GJA1: variants seen among roughly 807,000 people sequenced by gnomAD.
GJA1 encodes gap junction alpha-1 protein.
Under a neutral mutation model 31.0 loss-of-function variants are expected in GJA1, and 9 were observed. The observed-to-expected ratio is 0.29, with a 90% confidence interval of 0.17 to 0.51. GJA1 has a LOEUF of 0.51. Among genes scored for constraint, GJA1 ranks in the 20% least tolerant of loss-of-function variants. The pLI is 0.98. For synonymous variants in GJA1, 186 were observed against 180.1 expected (o/e 1.03, Z -0.26); for missense variants, 278 against 468.8 (o/e 0.59, Z 3.76).
intron 1 of GJA1, among the ~76,000 whole-genome samples, chr6:121,446,426 AAC>A (rs1773891070): frequency 2.0e-5 from 3 of 152,364 alleles, no homozygotes; most frequent in South Asian, 2.1e-4. Flanking sequence ...TGCTTTGAAT[AAC>A]ACACATCAGG....
intron 1 of GJA1, among the ~76,000 whole-genome samples, chr6:121,437,709 C>T (rs753375989): frequency 3.9e-5 from 6 of 152,116 alleles, no homozygotes; most frequent in Admixed American, 6.5e-5. Flanking sequence ...AAAAGGCGTG[C>T]TTCTCTTTCT....
intron 1 of GJA1, among the ~76,000 whole-genome samples, chr6:121,440,251 C>CT (rs1183094046): frequency 1.3e-5 from 2 of 151,988 alleles, no homozygotes; most frequent in African/African-American, 4.8e-5. Flanking sequence ...CTGCAACAAC[C>CT]TAACAGTGAA....
rs751161110 is a variant in GJA1, at chr6:121,447,714, T to C, written c.867T>C (p.Val289=). The C allele has an allele frequency of 5.6e-6, 9 of 1,614,086 alleles. No individual in the cohort carries two copies. The South Asian group carries it at 9.9e-5, about 18-fold the overall frequency. The change falls in exon 2 of 2, where the codon GTT becomes GTC. Residue 289 remains valine (V), a synonymous_variant. Transcript: ENST00000282561. ...SPMSPPGYKL[V]TGDRNNSSCR... is the part of the protein sequence containing the mutation. ...TGTCTCCTCCTGGGTACAAGCTGGT[T>C]ACTGGCGACAGAAACAATTCTTCTT...
intron 1 of GJA1, among the ~76,000 whole-genome samples, chr6:121,439,143 A>C (rs57887263): frequency 6.6e-6 from 1 of 152,050 alleles, no homozygotes; most frequent in Admixed American, 6.6e-5. Flanking sequence ...ATAAAAAAAA[A>C]TTTTAAAAAG....
intron 1 of GJA1, among the ~76,000 whole-genome samples, chr6:121,437,807 CT>C (rs1348824038): frequency 6.6e-6 from 1 of 152,166 alleles, no homozygotes; most frequent in Non-Finnish European, 1.5e-5. Context: ...GGTTGAATTT[CT>C]TTTGCTTCCT....
intron 1 of GJA1, among the ~76,000 whole-genome samples, chr6:121,442,607 T>G (rs1185620736): frequency 6.6e-6 from 1 of 152,150 alleles, no homozygotes; most frequent in Admixed American, 6.5e-5. Flanking sequence ...GCCAGAAATG[T>G]CAAGAATAGT....
In GJA1 at chr6:121,448,644, T is replaced by C. The variant is rs1773932039; in HGVS notation, c.*648T>C. ...CATTTGCAAATACGTATATTCTTTT[T>C]CCATCCACTTGCACAATATCATTAC... On this transcript the variant is annotated 3_prime_UTR_variant, in exon 2 of 2. Coordinates refer to ENST00000282561, the MANE Select transcript of GJA1 (RefSeq NM_000165.5). 1 of 168,570 alleles carries C rather than the reference T, an allele frequency of 5.9e-6. No individual in the cohort carries two copies. Among genetic ancestry groups the C allele is most frequent in the South Asian group, 2.0e-4 (1 of 4,948 alleles). 10.4% of individuals were successfully genotyped at this position (168,570 alleles called of 1,614,324 possible). A position where few individuals can be genotyped will look rare whatever the true frequency, so the allele number is the denominator to read the frequency against.
chr6:121,444,975 G>A (rs980432120), intron 1 of GJA1, among the ~76,000 whole-genome samples: 1 of 152,184 alleles, frequency 6.6e-6, no homozygotes, highest in East Asian at 1.9e-4. Context: ...ACCAGTGTGA[G>A]GCATTGAAAA....
intron 1 of GJA1, among the ~76,000 whole-genome samples, chr6:121,441,551 A>G (rs1450838790): frequency 6.6e-6 from 1 of 152,178 alleles, no homozygotes; most frequent in Non-Finnish European, 1.5e-5. Context: ...TTAAAATAAT[A>G]ATTTTTTAAA....
chr6:121,449,674 T>C lies in GJA1; in HGVS notation c.*1678T>C, dbSNP rs1773951732. 1.2e-5 allele frequency: 2 copies of C among 167,104 alleles called. No homozygotes were observed. Among genetic ancestry groups the C allele is most frequent in the African/African-American group, 2.4e-5 (1 of 41,458 alleles). The allele number at this position is 167,104 out of a possible 1,614,324, so 10.4% of individuals were successfully genotyped here. ...AATGTAGACCTAGTCCATCAGATCA[T>C]GTGTTCTGGAGAGTGTTCTTTATTC... On this transcript the variant is annotated 3_prime_UTR_variant, in exon 2 of 2. Coordinates refer to ENST00000282561, the MANE Select transcript of GJA1 (RefSeq NM_000165.5).
At position 121,446,979 on chromosome 6, in the gene GJA1, C is replaced by T. The variant is rs770568811; in HGVS notation, c.132C>T (p.Ala44=). 2 of 1,613,940 alleles carry T rather than the reference C, an allele frequency of 1.2e-6. No homozygotes were observed. The highest frequency in any genetic ancestry group is 8.5e-7 in the Non-Finnish European group (1 of 1,179,968). The stretch of plus-strand genomic sequence containing the variant: ...TGCTGGGGACAGCGGTTGAGTCAGC[C>T]TGGGGAGATGAGCAGTCTGCCTTTC... ...ILLLGTAVES[A]WGDEQSAFRC... Residue 44 remains alanine, a synonymous_variant, in exon 2 of 2, where the codon GCC becomes GCT. Coordinates refer to ENST00000282561, the MANE Select transcript of GJA1 (RefSeq NM_000165.5).
intron 1 of GJA1, among the ~76,000 whole-genome samples, chr6:121,442,980 T>C (rs1285063787): frequency 6.6e-6 from 1 of 152,214 alleles, no homozygotes; most frequent in Non-Finnish European, 1.5e-5. Flanking sequence ...GGTGAAGGCA[T>C]GAATATATGT....
chr6:121,437,450 A>C (rs1773689253), intron 1 of GJA1, among the ~76,000 whole-genome samples: 1 of 150,892 alleles, frequency 6.6e-6, no homozygotes. Flanking sequence ...AATTGTGCTT[A>C]AATTGCACTT....
intron 1 of GJA1, among the ~76,000 whole-genome samples, chr6:121,440,939 G>A (rs965403908): frequency 1.3e-4 from 18 of 137,976 alleles, no homozygotes; most frequent in African/African-American, 5.3e-4. Flanking sequence ...TGTTGTTGTT[G>A]TTGTTTGTCG....
At chr6:121,437,413 T>C (rs1392843094) in intron 1 of GJA1, among the ~76,000 whole-genome samples, 4 of 151,524 alleles carry the variant, frequency 2.6e-5, no homozygotes, top group African/African-American at 4.9e-5. Flanking sequence ...TATCTCCGCG[T>C]TGGTAAGAAA....
At chr6:121,437,943 G>T (rs1314159402) in intron 1 of GJA1, among the ~76,000 whole-genome samples, 1 of 152,130 alleles carries the variant, frequency 6.6e-6, no homozygotes, top group Non-Finnish European at 1.5e-5. Context: ...AGGATAACTG[G>T]AAATTAAAGC....
chr6:121,439,803 A>G (rs1195662266), intron 1 of GJA1, among the ~76,000 whole-genome samples: 1 of 152,216 alleles, frequency 6.6e-6, no homozygotes, highest in Non-Finnish European at 1.5e-5. Flanking sequence ...AGCAGTTCAC[A>G]ACATCAAATA....
intron 1 of GJA1, among the ~76,000 whole-genome samples, chr6:121,445,943 A>G (rs1158759114): frequency 6.6e-6 from 1 of 152,074 alleles, no homozygotes; most frequent in African/African-American, 2.4e-5. Flanking sequence ...AAAGAAACAG[A>G]AAAGTGTAAA....
intron 1 of GJA1, among the ~76,000 whole-genome samples, chr6:121,440,981 C>T (rs1043085147): frequency 2.0e-5 from 3 of 151,436 alleles, no homozygotes; most frequent in African/African-American, 7.3e-5. Flanking sequence ...CTCGCTCTGT[C>T]GCCCAGGCTG....
Sources: gnomAD v4.1 joint callset for allele counts (sites outside exome capture counted in the v4.1 genomes callset) on GRCh38, gnomAD v4.1.1 for gene constraint, MANE v1.5 for transcripts, NCBI Gene and HGNC (gene_info 2026-07-23, HGNC 2026-07-21) for gene names.